SMYD4: variants seen among roughly 807,000 people sequenced by gnomAD.
The protein encoded by SMYD4 is protein-lysine N-methyltransferase SMYD4.
A neutral mutation model predicts 72.8 loss-of-function variants in SMYD4; 68 were observed. The ratio of observed to expected loss-of-function variants is 0.93; its 90% CI spans 0.77 to 1.14. SMYD4 has a LOEUF of 1.14. SMYD4 is among the 50% of genes most tolerant of loss of function. SMYD4 has a pLI of 0.00. For synonymous variants in SMYD4, 407 were observed against 388.6 expected, an observed-to-expected ratio of 1.05 and a Z score of -0.56; for missense variants, 984 against 1,003.7, an observed-to-expected ratio of 0.98 and a Z score of 0.27.
At position 1,800,692 on chromosome 17, in the gene SMYD4, G is replaced by A; in HGVS notation, c.702C>T (p.Ser234=). The A allele has an allele frequency of 2.5e-6, 4 of 1,614,208 alleles. 1 individual carries two copies. In the South Asian group the frequency reaches 4.4e-5, roughly 18 times the overall value. The change falls in exon 5 of 11, where the codon TCC becomes TCT. Residue 234 remains serine, a synonymous_variant. Transcript: ENST00000305513. ...ENEQLSNASS[S]IGLCVDPLKG... is the part of the protein sequence containing the mutation. ...TTAAAGGATCTACGCATAAGCCGAT[G>A]GATGATGAGGCATTGGAAAGTTGTT...
chr17:1,788,688 G>A (rs1908837691), intron 5 of SMYD4, among the ~76,000 whole-genome samples: 1 of 151,992 alleles, frequency 6.6e-6, no homozygotes, highest in Admixed American at 6.6e-5. Flanking sequence ...GTTGCAGTGA[G>A]CCAAGATCGT....
intron 6 of SMYD4, among the ~76,000 whole-genome samples, 181 bp downstream of exon 6, chr17:1,787,241 C>A (rs1056635228): frequency 1.3e-5 from 2 of 152,220 alleles, no homozygotes; most frequent in Non-Finnish European, 2.9e-5. Context: ...CGCAATAGGG[C>A]CCTAGCACGA....
chr17:1,818,817 T>C (rs1353809105), intron 2 of SMYD4, among the ~76,000 whole-genome samples: 1 of 151,674 alleles, frequency 6.6e-6, no homozygotes, highest in African/African-American at 2.4e-5. Flanking sequence ...AATTACTTTT[T>C]ATTTTTATAA....
At chr17:1,783,753 C>T (rs746142217) in intron 8 of SMYD4, 13 of 495,202 alleles carry the variant, frequency 2.6e-5, no homozygotes, top group African/African-American at 3.9e-5. Flanking sequence ...CTTTCACGTA[C>T]GGCCATGATT....
At position 1,781,035 on chromosome 17, in the gene SMYD4, T is replaced by C; in HGVS notation, c.*251A>G. ...CCTGGGTTCAAGAGATTCTCCTGCC[T>C]CAGCCTCCCAAGTAGCTGGGATTAC... is the stretch of plus-strand genomic sequence containing the variant. On this transcript the variant is annotated 3_prime_UTR_variant, in exon 11 of 11. Coordinates refer to ENST00000305513, the MANE Select transcript of SMYD4 (RefSeq NM_052928.3). 2 of 315,508 alleles carry C rather than the reference T, an allele frequency of 6.3e-6. No individual in the cohort carries two copies. The highest frequency in any genetic ancestry group is 1.2e-5 in the Non-Finnish European group (2 of 170,198). 19.5% of individuals were successfully genotyped at this position (315,508 alleles called of 1,614,324 possible).
chr17:1,810,836 CAGA>C (rs1910297273), intron 3 of SMYD4, among the ~76,000 whole-genome samples: 1 of 152,242 alleles, frequency 6.6e-6, no homozygotes, highest in Non-Finnish European at 1.5e-5. Flanking sequence ...TCGACCAGTG[CAGA>C]AGGACACGGA....
At position 1,827,984 on chromosome 17, in the gene SMYD4, G is replaced by A; in HGVS notation, c.11C>T (p.Pro4Leu). 6.2e-7 allele frequency: 1 copy of A among 1,611,162 alleles called. No homozygotes were observed. The highest frequency in any genetic ancestry group is 8.5e-7 in the Non-Finnish European group (1 of 1,177,496). MDL[P>L]VDEWKSYLLQ... ...CAGATATGATTTCCATTCATCCACA[G>A]GCAGATCCATGCTGCTTTTGATCTA... Residue 4 changes from proline to leucine, a missense_variant, in exon 2 of 11, where the codon CCT (proline) becomes CTT (leucine). By Grantham distance (98) the Pro-to-Leu change is moderately conservative (BLOSUM62 -3). Transcript: ENST00000305513.
rs943345814 is a variant in SMYD4, at chr17:1,782,924, G to A, written c.2261+111C>T. On this transcript the variant is annotated intron_variant, in intron 10 of 10. Coordinates refer to ENST00000305513, the MANE Select transcript of SMYD4 (RefSeq NM_052928.3). Reference sequence around the variant, plus strand: ...GAAGGCAAAGATCTCTCCTAAAGAGGAAATAAAGAAGTTTCAACATGCTTT... The same window carrying A: ...GAAGGCAAAGATCTCTCCTAAAGAGAAAATAAAGAAGTTTCAACATGCTTT... 8.2e-6 allele frequency: 12 copies of A among 1,470,230 alleles called. No homozygotes were observed. In the African/African-American group the frequency reaches 1.3e-4, roughly 16 times the overall value. 91.1% of individuals were successfully genotyped at this position (1,470,230 alleles called of 1,614,324 possible). A position where few individuals can be genotyped will look rare whatever the true frequency, so the allele number is the denominator to read the frequency against.
rs184966270 is a variant in SMYD4, at chr17:1,824,511, T to C, written c.134+3350A>G. On this transcript the variant is annotated intron_variant, in intron 2 of 10. Transcript: ENST00000305513. ...TGAACTGTTATTTCCCAGAAGCCTG[T>C]GTTGTCGGAGGGACCTGATGGGAGG... Among the ~76,000 whole-genome samples, 353 of 152,262 alleles carry C rather than the reference T, an allele frequency of 2.3e-3. 2 individuals carry two copies. The highest frequency in any genetic ancestry group is 8.0e-3 in the African/African-American group (334 of 41,532).
At chr17:1,783,214 A>G (rs893943081) in intron 9 of SMYD4, 56 bp from the exon 10 acceptor site, 23 of 1,613,206 alleles carry the variant, frequency 1.4e-5, no homozygotes, top group African/African-American at 2.7e-5. Flanking sequence ...CTGTGGATGC[A>G]TATTTTCAGG....
chr17:1,822,241 T>TA (rs889923179), intron 2 of SMYD4, among the ~76,000 whole-genome samples: 17 of 149,982 alleles, frequency 1.1e-4, no homozygotes, highest in Middle Eastern at 3.4e-3. Context: ...CTCAACCTGT[T>TA]AAAAAAAAAA....
chr17:1,822,735 G>T (rs979412496), intron 2 of SMYD4, among the ~76,000 whole-genome samples: 2 of 152,078 alleles, frequency 1.3e-5, no homozygotes, highest in Admixed American at 1.3e-4. Context: ...AACATGCTGG[G>T]ATTACAGGTG....
intron 5 of SMYD4, among the ~76,000 whole-genome samples, chr17:1,794,093 A>ATGTG (rs1567771023): frequency 1.0e-4 from 2 of 19,384 alleles, no homozygotes; most frequent in African/African-American, 1.7e-4. Context: ...ATATATATAT[A>ATGTG]TATATATATA....
At position 1,785,188 on chromosome 17, in the gene SMYD4, C is replaced by T. The variant is rs1399489553; in HGVS notation, c.1885-727G>A. Among the ~76,000 whole-genome samples, 4 of 147,818 alleles carry T rather than the reference C, an allele frequency of 2.7e-5. No individual in the cohort carries two copies. The South Asian group carries it at 6.4e-4, about 24-fold the overall frequency. On this transcript the variant is annotated intron_variant, in intron 7 of 10. Transcript: ENST00000305513. ...CTGTAATCCCAGCACTTTGGGAGGGCGAGGCGGGTGGATCCATGAGGTCAG... is the reference window on the plus strand; with the variant it reads ...CTGTAATCCCAGCACTTTGGGAGGGTGAGGCGGGTGGATCCATGAGGTCAG...
chr17:1,782,436 G>A (rs1337911347), intron 10 of SMYD4: 1 of 146,890 alleles, frequency 6.8e-6, no homozygotes, highest in African/African-American at 2.6e-5. Flanking sequence ...CTGTGACCGA[G>A]CCACTGTACT....
intron 4 of SMYD4, among the ~76,000 whole-genome samples, chr17:1,802,564 T>C (rs1252940182): frequency 6.6e-6 from 1 of 152,314 alleles, no homozygotes; most frequent in Middle Eastern, 3.4e-3. Context: ...TTCAATGTAT[T>C]GCAAGTTCTT....
intron 8 of SMYD4, 33 bp from the exon 9 acceptor site, chr17:1,783,509 G>T: frequency 1.3e-6 from 2 of 1,572,734 alleles, no homozygotes; most frequent in Non-Finnish European, 1.7e-6. Flanking sequence ...TCTCACTATA[G>T]ACAGAAGCCC....
intron 3 of SMYD4, among the ~76,000 whole-genome samples, chr17:1,809,176 C>T (rs1396617763): frequency 6.6e-6 from 1 of 151,988 alleles, no homozygotes; most frequent in Non-Finnish European, 1.5e-5. Flanking sequence ...TGTGCCCAGC[C>T]TACCCTTCAA....
At chr17:1,823,287 G>C (rs1323597949) in intron 2 of SMYD4, among the ~76,000 whole-genome samples, 4 of 149,958 alleles carry the variant, frequency 2.7e-5, no homozygotes, top group Non-Finnish European at 5.9e-5. Context: ...CCAGCTACTC[G>C]AGAGGCTGAG....
Sources: gnomAD v4.1 joint callset for allele counts (sites outside exome capture counted in the v4.1 genomes callset) on GRCh38, gnomAD v4.1.1 for gene constraint, MANE v1.5 for transcripts, NCBI Gene and HGNC (gene_info 2026-07-23, HGNC 2026-07-21) for gene names.